KCNB2: variants seen among roughly 807,000 people sequenced by gnomAD.
KCNB2 encodes delayed rectifier potassium channel protein.
A neutral mutation model predicts 61.5 loss-of-function variants in KCNB2; 15 were observed. That is an observed-to-expected ratio of 0.24 (90% CI 0.16 to 0.38). The LOEUF is 0.38. KCNB2 is among the 10% of genes least tolerant of loss of function. The probability of loss-of-function intolerance (pLI) is 1.00; values close to 1 mark genes in which losing one functional copy is unlikely to be tolerated. For missense variants in KCNB2, 828 were observed against 1,125.2 expected (o/e 0.74, Z 3.78); for synonymous variants, 457 against 446.0 (o/e 1.02, Z -0.31).
At chr8:72,789,538 G>C (rs919932176) in intron 2 of KCNB2, among the ~76,000 whole-genome samples, 3 of 152,128 alleles carry the variant, frequency 2.0e-5, no homozygotes, top group African/African-American at 7.2e-5. Context: ...CAGGCATGCA[G>C]GAAGACAAAG....
intron 2 of KCNB2, among the ~76,000 whole-genome samples, chr8:72,920,911 C>T (rs1333931934): frequency 2.0e-5 from 3 of 151,958 alleles, no homozygotes; most frequent in Non-Finnish European, 4.4e-5. Flanking sequence ...ACCAATAGGA[C>T]CGTAACACAG....
intron 2 of KCNB2, among the ~76,000 whole-genome samples, chr8:72,861,464 A>G (rs1409415175): frequency 6.6e-6 from 1 of 152,226 alleles, no homozygotes; most frequent in African/African-American, 2.4e-5. Flanking sequence ...AAAGCTCACG[A>G]AAGAAGCCTG....
chr8:72,822,686 C>T (rs73297728), intron 2 of KCNB2, among the ~76,000 whole-genome samples: 1,657 of 152,202 alleles, frequency 0.011, 21 homozygotes, highest in African/African-American at 0.033. Flanking sequence ...TACCTCACTC[C>T]CCTGTTTATA....
intron 2 of KCNB2, among the ~76,000 whole-genome samples, chr8:72,626,015 T>C (rs1805784280): frequency 6.6e-6 from 1 of 152,112 alleles, no homozygotes; most frequent in South Asian, 2.1e-4. Context: ...GAAAAGCAAT[T>C]TCAAAATCAG....
intron 2 of KCNB2, among the ~76,000 whole-genome samples, chr8:72,854,384 C>G (rs115145519): frequency 1.3e-3 from 201 of 152,176 alleles, no homozygotes; most frequent in African/African-American, 4.5e-3. Context: ...TCGTTTTTAT[C>G]CTAGGGACTG....
At chr8:72,568,620 A>G (rs192710927) in intron 2 of KCNB2, among the ~76,000 whole-genome samples, 3 of 152,268 alleles carry the variant, frequency 2.0e-5, no homozygotes, top group Admixed American at 2.0e-4. Context: ...GGTTGAGGAG[A>G]AAGCCCTAGC....
At chr8:72,829,205 C>G (rs1011842994) in intron 2 of KCNB2, among the ~76,000 whole-genome samples, 4 of 152,128 alleles carry the variant, frequency 2.6e-5, no homozygotes, top group African/African-American at 9.7e-5. Context: ...ATGTTGGAGG[C>G]CTGAATTATG....
chr8:72,921,782 C>T (rs1470841574), intron 2 of KCNB2, among the ~76,000 whole-genome samples: 1 of 152,164 alleles, frequency 6.6e-6, no homozygotes, highest in South Asian at 2.1e-4. Context: ...TTTAACAAAT[C>T]GTAACTATTT....
At chr8:72,571,687 G>C (rs1484178282) in intron 2 of KCNB2, among the ~76,000 whole-genome samples, 1 of 152,146 alleles carries the variant, frequency 6.6e-6, no homozygotes, top group Non-Finnish European at 1.5e-5. Context: ...ATTTGAGATG[G>C]TTTGTGAATG....
intron 2 of KCNB2, among the ~76,000 whole-genome samples, chr8:72,774,926 G>A (rs574281222): frequency 7.2e-5 from 11 of 152,102 alleles, no homozygotes; most frequent in South Asian, 2.1e-4. Context: ...AACCCAACCC[G>A]GTTTGCATTA....
chr8:72,765,046 C>T (rs1242591547), intron 2 of KCNB2, among the ~76,000 whole-genome samples: 2 of 152,180 alleles, frequency 1.3e-5, no homozygotes, highest in African/African-American at 2.4e-5. Flanking sequence ...AAGAGACTGA[C>T]ATAACTCTGT....
Position 72,697,265 on chromosome 8 carries a change from G to A in KCNB2, c.579+128952G>A, listed in dbSNP as rs544750572. 5.9e-5 allele frequency among the ~76,000 whole-genome samples: 9 copies of A among 152,268 alleles called. No individual in the cohort carries two copies. In the East Asian group the frequency reaches 1.5e-3, roughly 26 times the overall value. ...TCTGGTGCAGATTGAGATAATACTT[G>A]TAAAATGCTTGGGGAAAGCCTCAGA... On this transcript the variant is annotated intron_variant, in intron 2 of 2. Coordinates refer to ENST00000523207, the MANE Select transcript of KCNB2 (RefSeq NM_004770.3).
intron 2 of KCNB2, among the ~76,000 whole-genome samples, chr8:72,714,920 CA>C (rs1165702403): frequency 4.6e-5 from 7 of 152,266 alleles, no homozygotes; most frequent in African/African-American, 1.7e-4. Context: ...AAACCCATCT[CA>C]CGTGCAGAGA....
At chr8:72,617,540 C>T (rs1041563733) in intron 2 of KCNB2, among the ~76,000 whole-genome samples, 1 of 148,918 alleles carries the variant, frequency 6.7e-6, no homozygotes, top group Non-Finnish European at 1.5e-5. Context: ...CTCACTTATT[C>T]AACGTGGAGC....
intron 2 of KCNB2, among the ~76,000 whole-genome samples, chr8:72,639,572 G>A (rs1319423462): frequency 6.6e-6 from 1 of 152,082 alleles, no homozygotes; most frequent in Non-Finnish European, 1.5e-5. Context: ...TCCCGGATAG[G>A]AGCATGCTCT....
At chr8:72,842,580 G>T (rs1002001936) in intron 2 of KCNB2, among the ~76,000 whole-genome samples, 1 of 152,108 alleles carries the variant, frequency 6.6e-6, no homozygotes, top group Non-Finnish European at 1.5e-5. Context: ...TTGTTTGGTT[G>T]GTAGGCTATT....
chr8:72,650,366 T>C lies in KCNB2; in HGVS notation c.579+82053T>C, dbSNP rs1012378126. Among the ~76,000 whole-genome samples the C allele has an allele frequency of 9.9e-5, 15 of 152,274 alleles. 1 individual carries two copies. Among genetic ancestry groups the C allele is most frequent in the African/African-American group, 3.4e-4 (14 of 41,570 alleles). On this transcript the variant is annotated intron_variant, in intron 2 of 2. Coordinates refer to ENST00000523207, the MANE Select transcript of KCNB2 (RefSeq NM_004770.3). ...CCACTTAGTTGCCACCTTTTTCTAA[T>C]AGTTTTGCCCCTGCTCACCTGCTCT...
chr8:72,666,979 A>T (rs957839252), intron 2 of KCNB2, among the ~76,000 whole-genome samples: 21 of 139,822 alleles, frequency 1.5e-4, no homozygotes, highest in Non-Finnish European at 2.4e-4. Context: ...TGTTTTTTCC[A>T]CATAAGTGTG....
chr8:72,780,640 G>T (rs759825190), intron 2 of KCNB2, among the ~76,000 whole-genome samples: 22 of 152,236 alleles, frequency 1.4e-4, no homozygotes, highest in Admixed American at 3.9e-4. Context: ...CACTTCGATT[G>T]ATTCTATGTC....
Sources: allele counts gnomAD v4.1 joint callset (sites outside exome capture counted in the v4.1 genomes callset), GRCh38; gene constraint gnomAD v4.1.1; transcripts MANE v1.5; gene names NCBI Gene and HGNC (gene_info 2026-07-23, HGNC 2026-07-21).